RABEP1: variants seen among roughly 807,000 people sequenced by gnomAD.
The protein encoded by RABEP1 is rab GTPase-binding effector protein 1.
Under a neutral mutation model 123.4 loss-of-function variants are expected in RABEP1, and 51 were observed. That is an observed-to-expected ratio of 0.41 (90% confidence interval 0.33 to 0.52). RABEP1 has a LOEUF of 0.52. Ranked by LOEUF, RABEP1 falls within the 20% of genes least tolerant of loss-of-function variation. The pLI is 0.16. For synonymous variants in RABEP1, 347 were observed against 355.2 expected, an observed-to-expected ratio of 0.98 and a Z score of 0.26; for missense variants, 888 against 996.3, an observed-to-expected ratio of 0.89 and a Z score of 1.46.
At chr17:5,333,104 G>A (rs538242984) in intron 3 of RABEP1, among the ~76,000 whole-genome samples, 8 of 152,130 alleles carry the variant, frequency 5.3e-5, no homozygotes, top group Non-Finnish European at 1.2e-4. Flanking sequence ...AGAAGATGAT[G>A]ATGAAACAAA....
At chr17:5,328,645 TAA>T (rs60062792) in intron 2 of RABEP1, among the ~76,000 whole-genome samples, 1,069 of 54,084 alleles carry the variant, frequency 0.02, 24 homozygotes, top group East Asian at 0.12. Context: ...GACGCTGTGT[TAA>T]AAAAAAAAAA....
At position 5,380,472 on chromosome 17, in the gene RABEP1, T is replaced by C; in HGVS notation, c.2370+10T>C. On this transcript the variant is annotated intron_variant, in intron 16 of 17. Coordinates refer to ENST00000537505, the MANE Select transcript of RABEP1 (RefSeq NM_004703.6). Reference sequence around the variant, plus strand: ...AGAGACTGCTGCTAAGGTAGTGTTTTCATTAGTCATTTAATTTTAAAAAGC... The same window carrying C: ...AGAGACTGCTGCTAAGGTAGTGTTTCCATTAGTCATTTAATTTTAAAAAGC... 1 of 1,505,034 alleles carries C rather than the reference T, an allele frequency of 6.6e-7. No individual in the cohort carries two copies. Among genetic ancestry groups the C allele is most frequent in the Non-Finnish European group, 9.1e-7 (1 of 1,104,578 alleles). The allele number at this position is 1,505,034 out of a possible 1,614,324, so 93.2% of individuals were successfully genotyped here.
intron 2 of RABEP1, among the ~76,000 whole-genome samples, chr17:5,316,788 G>A (rs927510371): frequency 3.9e-5 from 5 of 127,108 alleles, no homozygotes; most frequent in Non-Finnish European, 6.2e-5. Flanking sequence ...AACTGAGATC[G>A]CGCTACTGCA....
Position 5,299,057 on chromosome 17 carries a change from C to T in RABEP1, c.35-9637C>T, listed in dbSNP as rs752080758. Among the ~76,000 whole-genome samples the T allele has an allele frequency of 2.0e-5, 3 of 152,278 alleles. No individual in the cohort carries two copies. In the East Asian group the frequency reaches 5.8e-4, roughly 29 times the overall value. On this transcript the variant is annotated intron_variant, in intron 1 of 17. Transcript: ENST00000537505. ...TATTATAACACCTAAAACCAGTTAA[C>T]AGTAACACCAAATATCCATTCTGTG...
intron 2 of RABEP1, among the ~76,000 whole-genome samples, chr17:5,311,681 CAG>C (rs2075242288): frequency 1.9e-5 from 2 of 106,540 alleles, no homozygotes; most frequent in South Asian, 6.2e-4. Context: ...GCCTGGGTGA[CAG>C]AGCGACTTCA....
chr17:5,326,951 G>A (rs1389041806), intron 2 of RABEP1, among the ~76,000 whole-genome samples: 1 of 152,192 alleles, frequency 6.6e-6, no homozygotes, highest in Non-Finnish European at 1.5e-5. Flanking sequence ...ACACATGTAG[G>A]CTACATGGTA....
chr17:5,382,444 T>C (rs1244727798), intron 17 of RABEP1, among the ~76,000 whole-genome samples: 1 of 151,246 alleles, frequency 6.6e-6, no homozygotes, highest in Non-Finnish European at 1.5e-5. Flanking sequence ...TCCCAACACA[T>C]TACACTTTAA....
At chr17:5,335,431 G>A in intron 4 of RABEP1, 87 bp downstream of exon 4, 3 of 1,122,628 alleles carry the variant, frequency 2.7e-6, no homozygotes, top group Non-Finnish European at 3.8e-6. Context: ...AGTAATAGAA[G>A]TACTTTGATA....
chr17:5,332,596 A>ATT (rs553120401), intron 3 of RABEP1, among the ~76,000 whole-genome samples: 20,007 of 105,438 alleles, frequency 0.19, 2,348 homozygotes, highest in East Asian at 0.49. Flanking sequence ...ACGTTTTAGA[A>ATT]TTTTTTTTTT....
Position 5,361,219 on chromosome 17 carries a change from C to T in RABEP1, c.1107C>T (p.Asp369=). The change falls in exon 9 of 18, where the codon GAC becomes GAT. Residue 369 remains aspartate, a synonymous_variant. Transcript: ENST00000537505. ...AQLSNEEEHL[D]STRGSVHSLD... ...TTTTCACATTTCAGGAGCATTTAGACAGCACCCGTGGCTCAGTTCATTCCT... is the reference window on the plus strand; with the variant it reads ...TTTTCACATTTCAGGAGCATTTAGATAGCACCCGTGGCTCAGTTCATTCCT... 3 of 1,613,076 alleles carry T rather than the reference C, an allele frequency of 1.9e-6. No homozygotes were observed. The highest frequency in any genetic ancestry group is 2.5e-6 in the Non-Finnish European group (3 of 1,179,306).
rs181510704 is a variant in RABEP1, at chr17:5,287,558, C to T, written c.34+5038C>T. Reference sequence around the variant, plus strand: ...AGGTTGCAGTGGGCGAAGATCATGCCACCGTGCTCCAGCCTGGGCAACAGA... The same window carrying T: ...AGGTTGCAGTGGGCGAAGATCATGCTACCGTGCTCCAGCCTGGGCAACAGA... On this transcript the variant is annotated intron_variant, in intron 1 of 17. Transcript: ENST00000537505. 6.7e-3 allele frequency among the ~76,000 whole-genome samples: 961 copies of T among 142,644 alleles called. 4 individuals are homozygous for T. Among genetic ancestry groups the T allele is most frequent in the Non-Finnish European group, 0.011 (716 of 66,172 alleles). The allele number at this position is 142,644 out of a possible 152,430, so 93.6% of individuals were successfully genotyped here.
intron 8 of RABEP1, among the ~76,000 whole-genome samples, chr17:5,354,821 G>C (rs976283059): frequency 2.0e-5 from 3 of 151,898 alleles, no homozygotes; most frequent in Admixed American, 1.3e-4. Flanking sequence ...TGTCTTTTTT[G>C]TTTAAAAAGA....
At chr17:5,317,371 A>G (rs2075308364) in intron 2 of RABEP1, among the ~76,000 whole-genome samples, 1 of 152,142 alleles carries the variant, frequency 6.6e-6, no homozygotes, top group South Asian at 2.1e-4. Context: ...AAAACCTAAC[A>G]CTGTTACATG....
chr17:5,290,796 A>G (rs895457459), intron 1 of RABEP1, among the ~76,000 whole-genome samples: 6 of 151,964 alleles, frequency 3.9e-5, no homozygotes, highest in Admixed American at 3.9e-4. Flanking sequence ...GGGTTTCAAC[A>G]TGTTGCCCAG....
rs1266354072 is a variant in RABEP1 at position 5,383,796 on chromosome 17, T to C, written c.*573T>C. 6 of 223,714 alleles carry C rather than the reference T, an allele frequency of 2.7e-5. No homozygotes were observed. Among genetic ancestry groups the C allele is most frequent in the Non-Finnish European group, 5.3e-5 (6 of 112,454 alleles). The allele number at this position is 223,714 out of a possible 1,614,324, so 13.9% of individuals were successfully genotyped here. A position where few individuals can be genotyped will look rare whatever the true frequency, so the allele number is the denominator to read the frequency against. On this transcript the variant is annotated 3_prime_UTR_variant, in exon 18 of 18. Transcript: ENST00000537505. The stretch of plus-strand genomic sequence containing the variant: ...TGCTTTGGAGGACCTTAAATGCTAC[T>C]GAAACTTACCTGAGAACCATAGGAC...
Position 5,381,500 on chromosome 17 carries a change from C to CTTCA in RABEP1, c.2483_2486dup (p.Gln829HisfsTer12). The CTTCA allele has an allele frequency of 6.2e-7, 1 of 1,612,532 alleles. No individual in the cohort carries two copies. Among genetic ancestry groups the CTTCA allele is most frequent in the South Asian group, 1.1e-5 (1 of 90,736 alleles). ...GGATTTTGTAAAGCTTTCACAGACC[C>CTTCA]TTCAGGTGAGGCATTTGGGGAACCA... On this transcript the variant is annotated frameshift_variant, in exon 17 of 18. Transcript: ENST00000537505. LOFTEE classifies it high-confidence loss of function.
At chr17:5,292,095 A>G (rs562985420) in intron 1 of RABEP1, among the ~76,000 whole-genome samples, 1 of 152,324 alleles carries the variant, frequency 6.6e-6, no homozygotes, top group South Asian at 2.1e-4. Flanking sequence ...TATATTGCCA[A>G]ATTGCTTTCT....
intron 2 of RABEP1, among the ~76,000 whole-genome samples, chr17:5,320,421 CAAAAAAAAA>C (rs60202531): frequency 2.4e-5 from 2 of 84,644 alleles, no homozygotes; most frequent in Admixed American, 1.5e-4. Context: ...GCTAACACAC[CAAAAAAAAA>C]AAAAAAAAAA....
intron 13 of RABEP1, among the ~76,000 whole-genome samples, chr17:5,373,920 T>C (rs182892301): frequency 5.6e-4 from 86 of 152,276 alleles, no homozygotes; most frequent in Admixed American, 5.6e-3. Context: ...GTTTTGAAGA[T>C]CTATGTTATT....
Sources: gnomAD v4.1 joint callset for allele counts (sites outside exome capture counted in the v4.1 genomes callset) on GRCh38, gnomAD v4.1.1 for gene constraint, MANE v1.5 for transcripts, NCBI Gene and HGNC (gene_info 2026-07-23, HGNC 2026-07-21) for gene names.